The following NUP214 variants were observed in gnomAD, a reference collection of about 807,000 sequenced individuals.
NUP214 encodes nuclear pore complex protein Nup214.
A neutral mutation model predicts 196.2 loss-of-function variants in NUP214; 79 were observed. The ratio of observed to expected loss-of-function variants is 0.40; its 90% CI spans 0.34 to 0.49. The LOEUF (loss-of-function observed/expected upper bound fraction) is 0.49, where lower values mean the gene tolerates loss of function less well. Ranked by LOEUF, NUP214 falls within the 20% of genes least tolerant of loss-of-function variation. The pLI is 0.58. For synonymous variants in NUP214, 1,020 were observed against 990.5 expected, an observed-to-expected ratio of 1.03 and a Z score of -0.56; for missense variants, 2,468 against 2,539.0, an observed-to-expected ratio of 0.97 and a Z score of 0.60.
Position 131,144,351 on chromosome 9 carries a change from G to GCCTCTCTGC in NUP214, c.1368_1376dup (p.Ser457_Pro459dup). ...GGATGCTTCTGCAGCTGCAGCCCCT[G>GCCTCTCTGC]CCTCTCTGCCACCTTCATCACCTGC... On this transcript the variant is annotated inframe_insertion, in exon 12 of 36. Coordinates refer to ENST00000359428, the MANE Select transcript of NUP214 (RefSeq NM_005085.4). 1.9e-6 allele frequency: 3 copies of GCCTCTCTGC among 1,614,076 alleles called. No individual in the cohort carries two copies. Among genetic ancestry groups the GCCTCTCTGC allele is most frequent in the Non-Finnish European group, 2.5e-6 (3 of 1,180,020 alleles).
intron 11 of NUP214, 125 bp downstream of exon 11, chr9:131,140,835 A>G: frequency 3.4e-6 from 3 of 888,528 alleles, no homozygotes; most frequent in Non-Finnish European, 5.0e-6. Context: ...TGTCTTAGGA[A>G]GGCACACACT....
chr9:131,229,957 C>T, intron 33 of NUP214: 1 of 349,682 alleles, frequency 2.9e-6, no homozygotes, highest in Non-Finnish European at 5.6e-6. Flanking sequence ...CTCCAGACCC[C>T]AGAAGCTCTC....
At chr9:131,217,705 G>C (rs17147655) in intron 31 of NUP214, among the ~76,000 whole-genome samples, 1,780 of 152,244 alleles carry the variant, frequency 0.012, 33 homozygotes, top group African/African-American at 0.04. Context: ...AGAAATTTGG[G>C]TTTATCCCAG....
At chr9:131,141,478 C>T (rs1262857582) in intron 11 of NUP214, among the ~76,000 whole-genome samples, 10 of 118,722 alleles carry the variant, frequency 8.4e-5, no homozygotes, top group South Asian at 2.8e-4. Context: ...TGAAAAGAAA[C>T]TTTTTTTTTT....
At chr9:131,170,189 AT>A (rs1832915368) in intron 21 of NUP214, among the ~76,000 whole-genome samples, 1 of 152,198 alleles carries the variant, frequency 6.6e-6, no homozygotes, top group African/African-American at 2.4e-5. Flanking sequence ...CAATAAAAAA[AT>A]AAATAAATAA....
At chr9:131,230,609 C>CT (rs771605111) in intron 33 of NUP214, 21 bp from the exon 34 acceptor site, 2 of 1,613,420 alleles carry the variant, frequency 1.2e-6, no homozygotes, top group African/African-American at 2.7e-5. Context: ...TGACCTCAGT[C>CT]TGTTTCTCAC....
At chr9:131,145,180 A>C (rs2133495201) in intron 12 of NUP214, among the ~76,000 whole-genome samples, 1 of 152,122 alleles carries the variant, frequency 6.6e-6, no homozygotes, top group Non-Finnish European at 1.5e-5. Context: ...TGACACTGTA[A>C]ATTGTTAGGT....
intron 26 of NUP214, chr9:131,190,445 T>C (rs776512343): frequency 2.0e-5 from 14 of 691,576 alleles, no homozygotes; most frequent in Non-Finnish European, 3.4e-5. Flanking sequence ...TCCTCTCTTT[T>C]GTTACGAGGT....
chr9:131,227,512 A>C (rs542339779), intron 32 of NUP214, among the ~76,000 whole-genome samples: 1 of 151,376 alleles, frequency 6.6e-6, no homozygotes, highest in Non-Finnish European at 1.5e-5. Flanking sequence ...CCACTGAGCG[A>C]GAGAAAGGGA....
chr9:131,159,593 C>T (rs1832566759), intron 18 of NUP214, 107 bp downstream of exon 18: 1 of 925,212 alleles, frequency 1.1e-6, no homozygotes. Flanking sequence ...TGCGGTGGCT[C>T]ACGCCTGTAA....
intron 23 of NUP214, 45 bp from the exon 24 acceptor site, chr9:131,178,266 T>G: frequency 6.7e-7 from 1 of 1,483,566 alleles, no homozygotes; most frequent in Non-Finnish European, 9.4e-7. Flanking sequence ...CTTTTTATCC[T>G]TTGCTGGAAT....
At chr9:131,130,137 G>GTTTTTTATTTTTTTT (rs1831490980) in intron 4 of NUP214, among the ~76,000 whole-genome samples, 2 of 76,894 alleles carry the variant, frequency 2.6e-5, no homozygotes, top group Admixed American at 2.1e-4. Context: ...TTCTGGTTTT[G>GTTTTTTATTTTTTTT]TTTTTTTTTT....
Position 131,187,270 on chromosome 9 carries a change from T to C in NUP214, c.3420-19T>C. 1 of 1,610,536 alleles carries C rather than the reference T, an allele frequency of 6.2e-7. No homozygotes were observed. On this transcript the variant is annotated intron_variant, in intron 24 of 35. Transcript: ENST00000359428. ...CTAGTCATGCCTTTCTCTGAGTGTA[T>C]GCTTTGTGTGTTTTTCAGTTCTTCA...
Position 131,125,833 on chromosome 9 carries a change from G to C in NUP214, c.45+84G>C. ...AGCTGAAAGGCGAAGCGCGGTGCTG[G>C]CTGTCCCGCCTCCTGCTTGAACAGT... On this transcript the variant is annotated intron_variant, in intron 1 of 35. Transcript: ENST00000359428. This position sits in a 1 kb window ranked among gnomAD's most constrained non-coding sequence, Gnocchi z 4.1. 1.4e-6 allele frequency: 2 copies of C among 1,469,224 alleles called. No homozygotes were observed. The highest frequency in any genetic ancestry group is 1.9e-6 in the Non-Finnish European group (2 of 1,075,654). The allele number at this position is 1,469,224 out of a possible 1,614,324, so 91.0% of individuals were successfully genotyped here. A position where few individuals can be genotyped will look rare whatever the true frequency, so the allele number is the denominator to read the frequency against.
chr9:131,233,352 A>T (rs1209703676), intron 35 of NUP214, 102 bp from the exon 36 acceptor site: 14 of 1,226,982 alleles, frequency 1.1e-5, no homozygotes, highest in African/African-American at 6.1e-5. Flanking sequence ...ATAATAATAA[A>T]AAATCTGAGT....
At chr9:131,212,454 G>A (rs112981494) in intron 30 of NUP214, among the ~76,000 whole-genome samples, 1,683 of 152,174 alleles carry the variant, frequency 0.011, 26 homozygotes, top group African/African-American at 0.039. Context: ...GGGGCATCAC[G>A]GAACCTGCCA....
At position 131,210,496 on chromosome 9, in the gene NUP214, G is replaced by A. The variant is rs61572894; in HGVS notation, c.5593-4716G>A. 1.2e-4 allele frequency among the ~76,000 whole-genome samples: 19 copies of A among 152,068 alleles called. No individual in the cohort carries two copies. The East Asian group carries it at 2.9e-3, about 23-fold the overall frequency. On this transcript the variant is annotated intron_variant, in intron 30 of 35. Coordinates refer to ENST00000359428, the MANE Select transcript of NUP214 (RefSeq NM_005085.4). ...TACTAAAATTAGCCGGCATGGTGGCGCGCCCCTGTAGTCCCAGCTACTCGG... is the reference window on the plus strand; with the variant it reads ...TACTAAAATTAGCCGGCATGGTGGCACGCCCCTGTAGTCCCAGCTACTCGG...
chr9:131,144,292 C>T lies in NUP214; in HGVS notation c.1307C>T (p.Thr436Ile). Reference protein sequence around the residue: ...RQPKSPGSTPTTPTSSQAPQK... With the variant: ...RQPKSPGSTPITPTSSQAPQK... The stretch of plus-strand genomic sequence containing the variant: ...TTTGTCACTGCAGGAAGTACTCCCA[C>T]TACCCCAACCTCCTCTCAAGCCCCA... The change falls in exon 12 of 36, where the codon ACT becomes ATT. Residue 436 changes from threonine to isoleucine, a missense_variant. Coordinates refer to ENST00000359428, the MANE Select transcript of NUP214 (RefSeq NM_005085.4). 1 of 1,613,322 alleles carries T rather than the reference C, an allele frequency of 6.2e-7. No individual in the cohort carries two copies. Among genetic ancestry groups the T allele is most frequent in the Middle Eastern group, 1.7e-4 (1 of 5,786 alleles).
At position 131,197,707 on chromosome 9, in the gene NUP214, A is replaced by G. The variant is rs1833830989; in HGVS notation, c.4213A>G (p.Thr1405Ala). 1 of 1,614,204 alleles carries G rather than the reference A, an allele frequency of 6.2e-7. No individual in the cohort carries two copies. The change falls in exon 29 of 36, where the codon ACT (threonine) becomes GCT (alanine). Residue 1405 changes from threonine (T) to alanine (A), a missense_variant. Transcript: ENST00000359428. ...TSVAPPAATS[T>A]SSTAVFGSLP... ...AGTAGCACCACCAGCAGCCACCAGCACTTCCTCAACTGCCGTTTTTGGCAG... is the reference window on the plus strand; with the variant it reads ...AGTAGCACCACCAGCAGCCACCAGCGCTTCCTCAACTGCCGTTTTTGGCAG...
Sources: gnomAD v4.1 joint callset for allele counts (sites outside exome capture counted in the v4.1 genomes callset) on GRCh38, gnomAD v4.1.1 for gene constraint, Gnocchi (gnomAD v3.1) non-coding constraint, MANE v1.5 for transcripts, NCBI Gene and HGNC (gene_info 2026-07-23, HGNC 2026-07-21) for gene names.